Variants in SAP30BP observed in about 807,000 individuals in gnomAD.
SAP30BP encodes SAP30-binding protein.
In SAP30BP, 31 loss-of-function variants were observed where a neutral mutation model predicts 46.3. The ratio of observed to expected loss-of-function variants is 0.67; its 90% confidence interval spans 0.50 to 0.90. SAP30BP has a LOEUF of 0.90. SAP30BP is among the 40% of genes least tolerant of loss of function. The pLI, the probability that SAP30BP is intolerant of heterozygous loss-of-function variation, is 0.00. For synonymous variants in SAP30BP, 169 were observed against 144.2 expected, an observed-to-expected ratio of 1.17 and a Z score of -1.23; for missense variants, 312 against 391.0, an observed-to-expected ratio of 0.80 and a Z score of 1.70.
chr17:75,668,518 G>C lies in SAP30BP; in HGVS notation c.109G>C (p.Glu37Gln), dbSNP rs367727956. The change falls in exon 2 of 11, where the codon GAG becomes CAG. Residue 37 changes from glutamate (E) to glutamine (Q), a missense_variant and splice_region_variant. By Grantham distance (29) the Glu-to-Gln change is conservative (BLOSUM62 2). This residue lies in a region of SAP30BP where 296 missense variants were observed against 346.6 expected (regional missense o/e 0.85). Coordinates refer to ENST00000584667, the MANE Select transcript of SAP30BP (RefSeq NM_013260.8). ...GIEAVGSAAE[E>Q]KGGLVSDAYG... ...TTGTTTGTTTTTTAACCTTTCAGAG[G>C]AGAAAGGCGGATTGGTATCTGATGC... 1 of 1,540,066 alleles carries C rather than the reference G, an allele frequency of 6.5e-7. No individual in the cohort carries two copies. Among genetic ancestry groups the C allele is most frequent in the Non-Finnish European group, 8.8e-7 (1 of 1,140,616 alleles).
chr17:75,686,746 AGCAATGG>A (rs2060163594), intron 3 of SAP30BP, among the ~76,000 whole-genome samples: 1 of 152,198 alleles, frequency 6.6e-6, no homozygotes, highest in Non-Finnish European at 1.5e-5. Context: ...GAAATGTGCT[AGCAATGG>A]GCTTTCTCCA....
At chr17:75,697,663 A>G (rs1300952417) in intron 4 of SAP30BP, among the ~76,000 whole-genome samples, 1 of 152,176 alleles carries the variant, frequency 6.6e-6, no homozygotes, top group African/African-American at 2.4e-5. Context: ...AACAGTGAAA[A>G]TCAACACATG....
intron 8 of SAP30BP, 114 bp downstream of exon 8, chr17:75,703,973 A>T: frequency 2.4e-6 from 2 of 832,816 alleles, no homozygotes; most frequent in Non-Finnish European, 4.2e-6. Flanking sequence ...ATGTCAGGCC[A>T]TGTTCAAGGG....
Position 75,706,706 on chromosome 17 carries a change from C to T in SAP30BP, c.*185C>T. 2 of 613,496 alleles carry T rather than the reference C, an allele frequency of 3.3e-6. No individual in the cohort carries two copies. The highest frequency in any genetic ancestry group is 1.8e-5 in the African/African-American group (1 of 54,166). 38.0% of individuals were successfully genotyped at this position (613,496 alleles called of 1,614,324 possible). Reference sequence around the variant, plus strand: ...GGGAGCCAGGCGCTGTGGACAGGGTCTGTCCACGCACCACCTGGGGTCTGC... The same window carrying T: ...GGGAGCCAGGCGCTGTGGACAGGGTTTGTCCACGCACCACCTGGGGTCTGC... On this transcript the variant is annotated 3_prime_UTR_variant, in exon 11 of 11. Transcript: ENST00000584667. This position sits in a 1 kb window ranked among gnomAD's most constrained non-coding sequence, Gnocchi z 4.6.
intron 4 of SAP30BP, among the ~76,000 whole-genome samples, chr17:75,697,812 C>T (rs894109638): frequency 6.6e-6 from 1 of 152,182 alleles, no homozygotes; most frequent in Admixed American, 6.5e-5. Context: ...GTGTTCTTTA[C>T]AGTAACTGAA....
chr17:75,699,505 TAAAA>T (rs56285842), intron 4 of SAP30BP, among the ~76,000 whole-genome samples: 1 of 134,066 alleles, frequency 7.5e-6, no homozygotes, highest in African/African-American at 2.7e-5. Context: ...CCCGTCTCTT[TAAAA>T]AAAAAAAAAA....
Position 75,706,287 on chromosome 17 carries a change from A to G in SAP30BP, c.746-53A>G. On this transcript the variant is annotated intron_variant, in intron 10 of 10. Coordinates refer to ENST00000584667, the MANE Select transcript of SAP30BP (RefSeq NM_013260.8). The surrounding 1 kb of genome is among the most constrained non-coding windows in gnomAD (Gnocchi z 4.6). The stretch of plus-strand genomic sequence containing the variant: ...CCGCTGGCCTGCAGGGGGAAGGGAA[A>G]GAGGGCACCGCTCATTGGTGGATCG... 4 of 1,580,782 alleles carry G rather than the reference A, an allele frequency of 2.5e-6. No individual in the cohort carries two copies. Among genetic ancestry groups the G allele is most frequent in the Non-Finnish European group, 3.5e-6 (4 of 1,159,160 alleles).
chr17:75,706,506 G>A lies in SAP30BP; in HGVS notation c.912G>A (p.Lys304=). The change falls in exon 11 of 11, where the codon AAG becomes AAA. Residue 304 remains lysine, a synonymous_variant. Transcript: ENST00000584667. The surrounding 1 kb of genome is among the most constrained non-coding windows in gnomAD (Gnocchi z 4.6). ...TCTCTGCTGTGGGCACCATTGTGAAGAAGGCCAAGCAGTGACCTGAGGGGC... is the reference window on the plus strand; with the variant it reads ...TCTCTGCTGTGGGCACCATTGTGAAAAAGGCCAAGCAGTGACCTGAGGGGC... ...TVISAVGTIV[K]KAKQ 1 of 1,614,090 alleles carries A rather than the reference G, an allele frequency of 6.2e-7. No homozygotes were observed. The highest frequency in any genetic ancestry group is 8.5e-7 in the Non-Finnish European group (1 of 1,180,030).
At chr17:75,696,740 C>G (rs1429367708) in intron 4 of SAP30BP, among the ~76,000 whole-genome samples, 1 of 148,920 alleles carries the variant, frequency 6.7e-6, no homozygotes, top group Non-Finnish European at 1.5e-5. Context: ...GTTTCAAGCC[C>G]TGGACTGAGG....
At chr17:75,692,293 G>T in intron 3 of SAP30BP, 1 of 985,600 alleles carries the variant, frequency 1.0e-6, no homozygotes, top group Non-Finnish European at 1.2e-6. Flanking sequence ...GGTGTGCCAT[G>T]TCTGTGTAAG....
At chr17:75,684,889 G>C (rs1418626979) in intron 3 of SAP30BP, 1 of 152,214 alleles carries the variant, frequency 6.6e-6, no homozygotes, top group African/African-American at 2.4e-5. Context: ...TCCAAGGAAG[G>C]CCTCACTACA....
At chr17:75,672,988 T>C (rs2059929758) in intron 3 of SAP30BP, among the ~76,000 whole-genome samples, 1 of 151,790 alleles carries the variant, frequency 6.6e-6, no homozygotes, top group East Asian at 1.9e-4. Flanking sequence ...AAAAAACTGC[T>C]TGGAAACCAG....
intron 5 of SAP30BP, among the ~76,000 whole-genome samples, chr17:75,702,044 G>A (rs140926522): frequency 4.4e-4 from 67 of 152,224 alleles, no homozygotes; most frequent in South Asian, 1.5e-3. Context: ...TTGTTTTGTC[G>A]AGACAGTCTC....
At chr17:75,683,176 T>A (rs1472586027) in intron 3 of SAP30BP, among the ~76,000 whole-genome samples, 2 of 150,488 alleles carry the variant, frequency 1.3e-5, no homozygotes, top group Non-Finnish European at 3.0e-5. Flanking sequence ...CCCCAATAGC[T>A]GGGACTACAG....
intron 3 of SAP30BP, among the ~76,000 whole-genome samples, chr17:75,688,962 G>C (rs1426480786): frequency 6.6e-6 from 1 of 152,150 alleles, no homozygotes; most frequent in African/African-American, 2.4e-5. Flanking sequence ...GTGTGCCGCA[G>C]CCGCCTCCTG....
At chr17:75,704,867 T>C in intron 9 of SAP30BP, 53 bp downstream of exon 9, 1 of 1,417,328 alleles carries the variant, frequency 7.1e-7, no homozygotes. Flanking sequence ...AGTGCATGGG[T>C]CCTGCTGGCT....
At chr17:75,672,350 T>C (rs2059919903) in intron 3 of SAP30BP, among the ~76,000 whole-genome samples, 1 of 152,158 alleles carries the variant, frequency 6.6e-6, no homozygotes, top group African/African-American at 2.4e-5. Context: ...TTCCTGGGGG[T>C]GTGTCCATCC....
chr17:75,703,271 G>A (rs373224056), intron 6 of SAP30BP, 40 bp from the exon 7 acceptor site: 201 of 1,600,686 alleles, frequency 1.3e-4, no homozygotes, highest in African/African-American at 3.1e-4. Context: ...ATGCAGGGAC[G>A]TGGACTTGTG....
At chr17:75,675,882 A>G (rs1266261153) in intron 3 of SAP30BP, among the ~76,000 whole-genome samples, 1 of 152,222 alleles carries the variant, frequency 6.6e-6, no homozygotes, top group Non-Finnish European at 1.5e-5. Context: ...TTGTCACTGC[A>G]CTCCAGCCTG....
Sources: allele counts gnomAD v4.1 joint callset (sites outside exome capture counted in the v4.1 genomes callset), GRCh38; gene constraint gnomAD v4.1.1; regional missense constraint gnomAD v4.1.1; non-coding constraint Gnocchi (gnomAD v3.1); transcripts MANE v1.5; gene names NCBI Gene and HGNC (gene_info 2026-07-23, HGNC 2026-07-21).